The following LMO7 variants were observed in gnomAD, a reference collection of about 807,000 sequenced individuals.
The protein encoded by LMO7 is LIM domain only protein 7.
Under a neutral mutation model 206.5 loss-of-function variants are expected in LMO7, and 120 were observed. The observed-to-expected ratio is 0.58, with a 90% CI of 0.50 to 0.68. LMO7 has a LOEUF of 0.68. Ranked by LOEUF, LMO7 falls within the 30% of genes least tolerant of loss-of-function variation. The pLI is 0.00. For missense variants in LMO7, 1,959 were observed against 1,957.9 expected, an observed-to-expected ratio of 1.00 and a Z score of -0.01; for synonymous variants, 706 against 681.5, an observed-to-expected ratio of 1.04 and a Z score of -0.56.
upstream of LMO7, among the ~76,000 whole-genome samples, chr13:75,632,817 C>T (rs2035116210): frequency 6.8e-6 from 1 of 147,880 alleles, no homozygotes; most frequent in Non-Finnish European, 1.5e-5. Context: ...TTTTGTGTCA[C>T]TTATAACATC....
At chr13:75,852,462 C>A (rs958250224) in intron 27 of LMO7, among the ~76,000 whole-genome samples, 1 of 152,042 alleles carries the variant, frequency 6.6e-6, no homozygotes, top group Non-Finnish European at 1.5e-5. Context: ...TGTAACAAAC[C>A]TGCACGTGTA....
intron 4 of LMO7, among the ~76,000 whole-genome samples, chr13:75,792,369 G>A (rs553816465): frequency 3.3e-5 from 5 of 152,260 alleles, no homozygotes; most frequent in Non-Finnish European, 5.9e-5. Context: ...TCAAAGCTTT[G>A]AGAGTCAAGT....
Position 75,804,334 on chromosome 13 carries a change from A to G in LMO7, c.707A>G (p.Asp236Gly). 6.2e-7 allele frequency: 1 copy of G among 1,613,896 alleles called. No individual in the cohort carries two copies. Among genetic ancestry groups the G allele is most frequent in the Non-Finnish European group, 8.5e-7 (1 of 1,179,744 alleles). The change falls in exon 8 of 31, where the codon GAT becomes GGT. Residue 236 changes from aspartate (D) to glycine (G), a missense_variant. Transcript: ENST00000377534. ...TDSEFTFKMQ[D>G]YNKDDMSYRR... ...TCGGAATTTACATTTAAGATGCAGG[A>G]TTATAATAAAGATGATATGTCGTAT...
intron 2 of LMO7, among the ~76,000 whole-genome samples, chr13:75,630,808 T>G (rs1306854498): frequency 8.4e-6 from 1 of 118,698 alleles, no homozygotes. Flanking sequence ...GCCTGTTTTC[T>G]TTTTTCTTTT....
chr13:75,837,785 C>T (rs1180389256), intron 19 of LMO7, among the ~76,000 whole-genome samples: 1 of 152,096 alleles, frequency 6.6e-6, no homozygotes, highest in Non-Finnish European at 1.5e-5. Flanking sequence ...AGGTAGTAGA[C>T]AAGATTATGG....
intron 6 of LMO7, among the ~76,000 whole-genome samples, chr13:75,799,209 G>A (rs1192101198): frequency 1.3e-5 from 2 of 152,164 alleles, no homozygotes; most frequent in Admixed American, 6.5e-5. Context: ...TGAATTGACG[G>A]TATTAGATCA....
intron 25 of LMO7, among the ~76,000 whole-genome samples, chr13:75,843,500 T>C (rs549503937): frequency 6.6e-6 from 1 of 152,284 alleles, no homozygotes; most frequent in South Asian, 2.1e-4. Flanking sequence ...TCCAACATAA[T>C]CTTCATTTTA....
chr13:75,713,913 G>A (rs570381819), intron 2 of LMO7, among the ~76,000 whole-genome samples: 3 of 152,356 alleles, frequency 2.0e-5, no homozygotes, highest in African/African-American at 7.2e-5. Context: ...GAATAAGGGA[G>A]AGGCAGGCCT....
At chr13:75,848,929 T>C in intron 26 of LMO7, 150 bp from the exon 27 acceptor site, 1 of 601,086 alleles carries the variant, frequency 1.7e-6, no homozygotes, top group Non-Finnish European at 2.9e-6. Flanking sequence ...TATTATTTTT[T>C]GAGTTGTTGA....
intron 4 of LMO7, among the ~76,000 whole-genome samples, chr13:75,785,203 TG>T (rs1394995512): frequency 1.3e-5 from 2 of 152,130 alleles, no homozygotes; most frequent in Admixed American, 6.5e-5. Context: ...GATAACTTTT[TG>T]GGATTAAGAA....
chr13:75,663,428 C>CTTTCTTTCTTTCT (rs1566286749), intron 1 of LMO7, among the ~76,000 whole-genome samples: 1 of 91,830 alleles, frequency 1.1e-5, no homozygotes, highest in African/African-American at 4.2e-5. Flanking sequence ...TTCTTTCTTT[C>CTTTCTTTCTTTCT]TTTCTTTTTT....
intron 4 of LMO7, among the ~76,000 whole-genome samples, chr13:75,785,704 T>G (rs558543495): frequency 2.2e-4 from 33 of 152,342 alleles, no homozygotes; most frequent in African/African-American, 4.8e-4. Context: ...AAAAATGTTT[T>G]GACCTTCAGA....
intron 2 of LMO7, among the ~76,000 whole-genome samples, chr13:75,720,985 T>C (rs1403650954): frequency 6.6e-6 from 1 of 152,216 alleles, no homozygotes; most frequent in Non-Finnish European, 1.5e-5. Flanking sequence ...TTACTTATTT[T>C]AAAATATTGC....
intron 3 of LMO7, among the ~76,000 whole-genome samples, chr13:75,739,071 A>C (rs1594665803): frequency 6.6e-6 from 1 of 152,210 alleles, no homozygotes; most frequent in East Asian, 1.9e-4. Flanking sequence ...TATCTCTTGA[A>C]ATTGCCAGTG....
rs1246798324 is a variant in LMO7, at chr13:75,848,429, GATT to G, written c.4151-647_4151-645del. Among the ~76,000 whole-genome samples the G allele has an allele frequency of 2.0e-4, 11 of 56,188 alleles. 1 individual carries two copies. In the East Asian group the frequency reaches 4.3e-3, roughly 22 times the overall value. 36.9% of individuals were successfully genotyped at this position (56,188 alleles called of 152,430 possible). Reference sequence around the variant, plus strand: ...TTTATGGCTGAGTAGTATTCCATGCGATTATCTATCTATCTATCTATCTATCTA... The same window carrying G: ...TTTATGGCTGAGTAGTATTCCATGCGATCTATCTATCTATCTATCTATCTA... On this transcript the variant is annotated intron_variant, in intron 26 of 30. Transcript: ENST00000377534.
intron 4 of LMO7, among the ~76,000 whole-genome samples, chr13:75,787,663 T>C (rs1221853487): frequency 6.6e-6 from 1 of 152,204 alleles, no homozygotes; most frequent in Non-Finnish European, 1.5e-5. Flanking sequence ...GATCTTATTT[T>C]CTCAAGTGTC....
intron 27 of LMO7, 81 bp downstream of exon 27, chr13:75,849,373 C>T (rs1207352634): frequency 5.4e-6 from 6 of 1,101,012 alleles, no homozygotes; most frequent in Non-Finnish European, 8.2e-6. Context: ...GTGCTTTGGA[C>T]AGAAGAGATG....
intron 1 of LMO7, among the ~76,000 whole-genome samples, chr13:75,681,720 A>ATATT (rs2040520610): frequency 6.4e-5 from 6 of 94,370 alleles, no homozygotes; most frequent in Non-Finnish European, 1.4e-4. Context: ...ATATATATGT[A>ATATT]TATATATATA....
chr13:75,857,786 CTAAGAG>C, intron 30 of LMO7, 129 bp from the exon 31 acceptor site: 4 of 519,786 alleles, frequency 7.7e-6, no homozygotes, highest in Non-Finnish European at 3.4e-6. Flanking sequence ...TAGCTTTATC[CTAAGAG>C]TGAGTGACAG....
Sources: gnomAD v4.1 joint callset for allele counts (sites outside exome capture counted in the v4.1 genomes callset) on GRCh38, gnomAD v4.1.1 for gene constraint, MANE v1.5 for transcripts, NCBI Gene and HGNC (gene_info 2026-07-23, HGNC 2026-07-21) for gene names.